MAGI2: variants seen among roughly 807,000 people sequenced by gnomAD.
The protein encoded by MAGI2 is membrane associated guanylate kinase, WW and PDZ domain containing 2, also known as membrane-associated guanylate kinase, WW and PDZ domain-containing protein 2.
In MAGI2, 35 loss-of-function variants were observed where a neutral mutation model predicts 133.3. The observed-to-expected ratio is 0.26, with a 90% CI of 0.20 to 0.35. The LOEUF is 0.35. Ranked by LOEUF, MAGI2 falls within the 10% of genes least tolerant of loss-of-function variation. The pLI, the probability that MAGI2 is intolerant of heterozygous loss-of-function variation, is 1.00. For synonymous variants in MAGI2, 729 were observed against 710.6 expected, an observed-to-expected ratio of 1.03 and a Z score of -0.41; for missense variants, 1,636 against 1,863.4, an observed-to-expected ratio of 0.88 and a Z score of 2.25.
intron 2 of MAGI2, among the ~76,000 whole-genome samples, chr7:78,836,138 C>T (rs966465158): frequency 3.3e-5 from 5 of 152,286 alleles, no homozygotes; most frequent in South Asian, 4.1e-4. Context: ...ACTCCTATAA[C>T]GTCACAATGA....
At chr7:78,913,591 T>TA (rs990316054) in intron 2 of MAGI2, among the ~76,000 whole-genome samples, 5 of 152,298 alleles carry the variant, frequency 3.3e-5, no homozygotes, top group Non-Finnish European at 1.5e-5. Context: ...GAGTAACTCC[T>TA]AGAGCATCAG....
At chr7:79,139,882 T>C (rs1821954228) in intron 1 of MAGI2, 1 of 152,192 alleles carries the variant, frequency 6.6e-6, no homozygotes, top group Non-Finnish European at 1.5e-5. Flanking sequence ...TTATTTACAA[T>C]CCTTTCAGAA....
At chr7:79,418,808 A>C (rs1846722255) in intron 1 of MAGI2, among the ~76,000 whole-genome samples, 1 of 150,828 alleles carries the variant, frequency 6.6e-6, no homozygotes, top group Admixed American at 6.7e-5. Context: ...ACAATGAAAA[A>C]AAAAGCAAGT....
intron 1 of MAGI2, among the ~76,000 whole-genome samples, chr7:79,084,363 T>C (rs1816302184): frequency 6.6e-6 from 1 of 151,910 alleles, no homozygotes; most frequent in East Asian, 1.9e-4. Context: ...TTAACTGTTT[T>C]TGAAGGATTT....
At chr7:79,395,109 C>A (rs1401096729) in intron 1 of MAGI2, among the ~76,000 whole-genome samples, 2 of 152,056 alleles carry the variant, frequency 1.3e-5, no homozygotes, top group Non-Finnish European at 2.9e-5. Flanking sequence ...GGCCCAGCTT[C>A]TTTTAATGGG....
chr7:78,683,159 T>C (rs1815881230), intron 2 of MAGI2, among the ~76,000 whole-genome samples: 1 of 152,074 alleles, frequency 6.6e-6, no homozygotes, highest in African/African-American at 2.4e-5. Flanking sequence ...TCCTGAAGTG[T>C]TTATAGTGAG....
intron 1 of MAGI2, among the ~76,000 whole-genome samples, chr7:79,083,567 A>C (rs1203736365): frequency 1.3e-5 from 2 of 151,786 alleles, no homozygotes; most frequent in Non-Finnish European, 3.0e-5. Flanking sequence ...TTGTGGGATT[A>C]AATTTGCTAG....
At chr7:78,467,690 T>C (rs978227360) in intron 6 of MAGI2, among the ~76,000 whole-genome samples, 5 of 152,050 alleles carry the variant, frequency 3.3e-5, no homozygotes, top group Admixed American at 6.6e-5. Flanking sequence ...ACTGAGCTGA[T>C]ATTTGAAAAA....
At chr7:78,492,031 G>GCGAA (rs1793669644) in intron 5 of MAGI2, among the ~76,000 whole-genome samples, 1 of 151,504 alleles carries the variant, frequency 6.6e-6, no homozygotes, top group African/African-American at 2.4e-5. Flanking sequence ...TCCTCTTTTC[G>GCGAA]GAGAAAAGTC....
intron 1 of MAGI2, among the ~76,000 whole-genome samples, chr7:79,249,237 T>C (rs190121024): frequency 5.9e-5 from 9 of 152,212 alleles, no homozygotes; most frequent in Middle Eastern, 3.4e-3. Flanking sequence ...AACAATCTTA[T>C]GATGCATCTT....
At chr7:78,640,085 C>A (rs1003381383) in intron 2 of MAGI2, among the ~76,000 whole-genome samples, 1 of 152,090 alleles carries the variant, frequency 6.6e-6, no homozygotes, top group South Asian at 2.1e-4. Flanking sequence ...TGAAGGGCAG[C>A]AGGACTCAGT....
At chr7:78,899,565 C>T (rs771193194) in intron 2 of MAGI2, among the ~76,000 whole-genome samples, 47 of 152,228 alleles carry the variant, frequency 3.1e-4, no homozygotes, top group Middle Eastern at 6.8e-3. Flanking sequence ...AGAGTACTTT[C>T]CTCATAAAGC....
chr7:79,103,690 TA>T (rs1818186862), intron 1 of MAGI2, among the ~76,000 whole-genome samples: 6 of 151,896 alleles, frequency 4.0e-5, no homozygotes, highest in East Asian at 1.9e-4. Flanking sequence ...TTTATTTATT[TA>T]TTTATTTTTT....
In MAGI2 at chr7:79,292,770, C is replaced by CAAAAAAAAAAAA. The variant is rs199933554; in HGVS notation, c.301+160238_301+160249dup. Among the ~76,000 whole-genome samples the CAAAAAAAAAAAA allele has an allele frequency of 8.9e-4, 51 of 57,408 alleles. 17 individuals carry two copies. The highest frequency in any genetic ancestry group is 3.0e-3 in the Admixed American group (12 of 3,974). The allele number at this position is 57,408 out of a possible 152,430, so 37.7% of individuals were successfully genotyped here. On this transcript the variant is annotated intron_variant, in intron 1 of 21. Transcript: ENST00000354212. ...TTTTGGACCACTTTGTCAATTTCTG[C>CAAAAAAAAAAAA]AAAAAAAAAAAAAAAAAAAAAAAAA...
chr7:78,640,287 T>TA (rs1240007593), intron 2 of MAGI2, among the ~76,000 whole-genome samples: 5 of 151,176 alleles, frequency 3.3e-5, no homozygotes, highest in Non-Finnish European at 7.4e-5. Flanking sequence ...TATCCTGTAA[T>TA]AAAAAAACAA....
chr7:78,298,815 T>G (rs1400304982), intron 9 of MAGI2, among the ~76,000 whole-genome samples: 1 of 139,432 alleles, frequency 7.2e-6, no homozygotes, highest in East Asian at 2.1e-4. Flanking sequence ...TAAACGTTTT[T>G]TTTTTTTTTT....
chr7:79,228,810 T>C (rs1408825351), intron 1 of MAGI2, among the ~76,000 whole-genome samples: 2 of 152,168 alleles, frequency 1.3e-5, no homozygotes, highest in Non-Finnish European at 2.9e-5. Context: ...TTTCAGGTCA[T>C]TCTAGATCTA....
At chr7:78,729,449 A>G (rs1821156441) in intron 2 of MAGI2, among the ~76,000 whole-genome samples, 1 of 152,236 alleles carries the variant, frequency 6.6e-6, no homozygotes, top group Non-Finnish European at 1.5e-5. Flanking sequence ...AAAGAATTCC[A>G]GAAGCACACC....
At chr7:79,371,382 GA>G (rs527817746) in intron 1 of MAGI2, among the ~76,000 whole-genome samples, 63 of 149,032 alleles carry the variant, frequency 4.2e-4, no homozygotes, top group East Asian at 2.6e-3. Context: ...TTACTAAAAG[GA>G]AAAAAAAATA....
Sources: allele counts gnomAD v4.1 joint callset (sites outside exome capture counted in the v4.1 genomes callset), GRCh38; gene constraint gnomAD v4.1.1; transcripts MANE v1.5; gene names NCBI Gene and HGNC (gene_info 2026-07-23, HGNC 2026-07-21).